Variants in AUTS2 observed in about 807,000 individuals in gnomAD.
AUTS2 encodes autism susceptibility gene 2 protein.
A neutral mutation model predicts 112.4 loss-of-function variants in AUTS2; 17 were observed. That is an observed-to-expected ratio of 0.15 (90% confidence interval 0.10 to 0.23). The LOEUF (loss-of-function observed/expected upper bound fraction) is 0.23, where lower values mean the gene tolerates loss of function less well. Ranked by LOEUF, AUTS2 falls within the 10% of genes least tolerant of loss-of-function variation. The probability of loss-of-function intolerance (pLI) is 1.00; values close to 1 mark genes in which losing one functional copy is unlikely to be tolerated. For missense variants in AUTS2, 1,510 were observed against 1,701.6 expected, an observed-to-expected ratio of 0.89 and a Z score of 1.98; for synonymous variants, 751 against 702.7, an observed-to-expected ratio of 1.07 and a Z score of -1.09.
chr7:70,130,809 C>T (rs1019088639), intron 3 of AUTS2, among the ~76,000 whole-genome samples: 7 of 152,162 alleles, frequency 4.6e-5, no homozygotes, highest in African/African-American at 1.2e-4. Flanking sequence ...TGTTCTCATG[C>T]AAACTGCTAA....
intron 1 of AUTS2, among the ~76,000 whole-genome samples, chr7:69,618,062 G>C (rs1793471933): frequency 6.6e-6 from 1 of 152,208 alleles, no homozygotes; most frequent in Non-Finnish European, 1.5e-5. Context: ...CATTATTTTA[G>C]AGATGAGGAA....
intron 4 of AUTS2, among the ~76,000 whole-genome samples, chr7:70,191,161 CTTTTTTTT>C (rs34637651): frequency 5.8e-5 from 5 of 86,414 alleles, no homozygotes; most frequent in East Asian, 6.9e-4. Context: ...CCACTTATTT[CTTTTTTTT>C]TTTTTTTTTT....
chr7:69,654,019 G>A (rs909218505), intron 1 of AUTS2, among the ~76,000 whole-genome samples: 1 of 152,206 alleles, frequency 6.6e-6, no homozygotes, highest in Non-Finnish European at 1.5e-5. Flanking sequence ...TAAAACTTCT[G>A]TATTCTGTGC....
chr7:70,745,015 GTATTA>G (rs1474785148), intron 6 of AUTS2, among the ~76,000 whole-genome samples: 1 of 147,708 alleles, frequency 6.8e-6, no homozygotes, highest in Non-Finnish European at 1.5e-5. Context: ...GGTGATTTCA[GTATTA>G]TATTAATAAT....
intron 2 of AUTS2, among the ~76,000 whole-genome samples, chr7:70,039,951 C>T (rs1188989385): frequency 2.0e-5 from 3 of 152,074 alleles, no homozygotes; most frequent in Non-Finnish European, 4.4e-5. Context: ...CACAGTAGAA[C>T]CTATTTAAAT....
At chr7:70,389,887 GA>G (rs1165167384) in intron 4 of AUTS2, among the ~76,000 whole-genome samples, 3 of 152,124 alleles carry the variant, frequency 2.0e-5, no homozygotes, top group Admixed American at 2.0e-4. Context: ...TGAAAGACTA[GA>G]ATTATTCATC....
At chr7:69,636,254 G>A (rs367625107) in intron 1 of AUTS2, among the ~76,000 whole-genome samples, 54 of 152,296 alleles carry the variant, frequency 3.5e-4, no homozygotes, top group African/African-American at 1.3e-3. Flanking sequence ...TTCTTAAGAC[G>A]GAGTCTCAAT....
At chr7:69,839,870 G>A (rs557558246) in intron 1 of AUTS2, among the ~76,000 whole-genome samples, 36 of 152,122 alleles carry the variant, frequency 2.4e-4, no homozygotes, top group Non-Finnish European at 4.7e-4. Context: ...CAGGAGCTTG[G>A]TGGAGGTGGA....
At chr7:70,758,984 A>G (rs1051474368) in intron 6 of AUTS2, among the ~76,000 whole-genome samples, 3 of 152,186 alleles carry the variant, frequency 2.0e-5, no homozygotes, top group South Asian at 4.1e-4. Context: ...TACCAGCTCA[A>G]ACTCATCACT....
intron 2 of AUTS2, among the ~76,000 whole-genome samples, chr7:70,086,010 G>T (rs1466775751): frequency 6.6e-6 from 1 of 152,072 alleles, no homozygotes; most frequent in Non-Finnish European, 1.5e-5. Flanking sequence ...CTCAGAAAAA[G>T]AAAATTTCTA....
At chr7:69,679,127 T>G (rs560368202) in intron 1 of AUTS2, among the ~76,000 whole-genome samples, 11 of 152,356 alleles carry the variant, frequency 7.2e-5, no homozygotes, top group African/African-American at 2.4e-4. Context: ...TACTTCACAA[T>G]AAGAAAAACA....
intron 1 of AUTS2, among the ~76,000 whole-genome samples, chr7:69,792,243 G>GTTTTTTT (rs200721030): frequency 8.6e-6 from 1 of 116,700 alleles, no homozygotes. Context: ...TTTTTTTTTT[G>GTTTTTTT]TTTTGTTTTT....
intron 6 of AUTS2, among the ~76,000 whole-genome samples, chr7:70,728,507 G>A (rs1342657333): frequency 1.3e-5 from 2 of 152,110 alleles, no homozygotes; most frequent in Non-Finnish European, 2.9e-5. Context: ...TCAGGAGTTC[G>A]AGACCAACCT....
intron 4 of AUTS2, among the ~76,000 whole-genome samples, chr7:70,302,879 A>G (rs187897001): frequency 2.7e-5 from 4 of 148,562 alleles, no homozygotes; most frequent in Admixed American, 1.3e-4. Context: ...AAGTATCTGC[A>G]TGGCATTCTT....
chr7:70,198,517 C>A (rs1181568272), intron 4 of AUTS2, among the ~76,000 whole-genome samples: 2 of 140,968 alleles, frequency 1.4e-5, no homozygotes, highest in East Asian at 4.2e-4. Context: ...GAGCTGAAAA[C>A]CAAGGCTCGA....
At chr7:70,754,564 A>G (rs750294345) in intron 6 of AUTS2, among the ~76,000 whole-genome samples, 3 of 152,358 alleles carry the variant, frequency 2.0e-5, no homozygotes, top group Middle Eastern at 6.8e-3. Flanking sequence ...TGATATTTCC[A>G]TATGTCTCTG....
chr7:70,487,871 GA>G (rs1798075219), intron 5 of AUTS2, among the ~76,000 whole-genome samples: 1 of 152,202 alleles, frequency 6.6e-6, no homozygotes, highest in Non-Finnish European at 1.5e-5. Flanking sequence ...TAGTAATTAG[GA>G]AGCATTCGGT....
chr7:70,372,004 C>G (rs1419754597), intron 4 of AUTS2, among the ~76,000 whole-genome samples: 3 of 152,098 alleles, frequency 2.0e-5, no homozygotes, highest in Non-Finnish European at 4.4e-5. Context: ...TAGGTCTAGT[C>G]ACAAAACTGG....
At chr7:70,733,635 A>G (rs1405207764) in intron 6 of AUTS2, among the ~76,000 whole-genome samples, 4 of 148,260 alleles carry the variant, frequency 2.7e-5, no homozygotes, top group East Asian at 2.1e-4. Context: ...CACCCAGGCT[A>G]GAGTACAGTG....
Sources: allele counts gnomAD v4.1 joint callset (sites outside exome capture counted in the v4.1 genomes callset), GRCh38; gene constraint gnomAD v4.1.1; transcripts MANE v1.5; gene names NCBI Gene and HGNC (gene_info 2026-07-23, HGNC 2026-07-21).